Variants in PPP1R12B observed in about 807,000 individuals in gnomAD.
PPP1R12B encodes protein phosphatase 1 regulatory subunit 12B, also known as myosin phosphatase target subunit 2.
Under a neutral mutation model 126.1 loss-of-function variants are expected in PPP1R12B, and 76 were observed. That is an observed-to-expected ratio of 0.60 (90% CI 0.50 to 0.73). PPP1R12B has a LOEUF of 0.73. Ranked by LOEUF, PPP1R12B falls within the 30% of genes least tolerant of loss-of-function variation. The pLI is 0.00. For synonymous variants in PPP1R12B, 356 were observed against 434.7 expected (o/e 0.82, Z 2.25); for missense variants, 1,052 against 1,205.1 (o/e 0.87, Z 1.88).
intron 13 of PPP1R12B, among the ~76,000 whole-genome samples, chr1:202,461,219 A>C (rs570574636): frequency 1.3e-5 from 2 of 151,962 alleles, no homozygotes; most frequent in East Asian, 3.9e-4. Flanking sequence ...AGAATAGTCC[A>C]GTTCGGCCTT....
intron 1 of PPP1R12B, among the ~76,000 whole-genome samples, chr1:202,407,237 G>A (rs567371977): frequency 2.0e-5 from 3 of 152,290 alleles, no homozygotes; most frequent in South Asian, 2.1e-4. Context: ...TATTTGAAGC[G>A]AAGGGCTTAT....
At chr1:202,388,857 A>G (rs1663603504) in intron 1 of PPP1R12B, among the ~76,000 whole-genome samples, 1 of 152,220 alleles carries the variant, frequency 6.6e-6, no homozygotes, top group African/African-American at 2.4e-5. Context: ...CTCAAAATTC[A>G]ATGAGGTGAG....
rs1177314420 is a variant in PPP1R12B at position 202,473,324 on chromosome 1, C to T, written c.1851-15209C>T. 2.0e-5 allele frequency among the ~76,000 whole-genome samples: 3 copies of T among 152,194 alleles called. No individual in the cohort carries two copies. The East Asian group carries it at 5.8e-4, about 29-fold the overall frequency. On this transcript the variant is annotated intron_variant, in intron 13 of 23. Coordinates refer to ENST00000608999, the MANE Select transcript of PPP1R12B (RefSeq NM_002481.4). Reference sequence around the variant, plus strand: ...ATTGAGTGGTATGTACACTCTTTCTCTATCTAGGTTTAACCCATTTATAGC... The same window carrying T: ...ATTGAGTGGTATGTACACTCTTTCTTTATCTAGGTTTAACCCATTTATAGC...
chr1:202,393,009 G>A (rs571993042), intron 1 of PPP1R12B, among the ~76,000 whole-genome samples: 55 of 152,172 alleles, frequency 3.6e-4, no homozygotes, highest in African/African-American at 1.3e-3. Flanking sequence ...GCACTGGTGC[G>A]ATCTCAACTC....
In PPP1R12B at chr1:202,511,277, C is replaced by T. The variant is rs534797585; in HGVS notation, c.2490+14455C>T. On this transcript the variant is annotated intron_variant, in intron 18 of 23. Transcript: ENST00000608999. ...TGTCGCCCAGGCTGGAGTGCAGTGGCGCAATCTCAGCTCACTGCAATCTCC... is the reference window on the plus strand; with the variant it reads ...TGTCGCCCAGGCTGGAGTGCAGTGGTGCAATCTCAGCTCACTGCAATCTCC... Among the ~76,000 whole-genome samples the T allele has an allele frequency of 3.9e-3, 594 of 151,078 alleles. 2 individuals carry two copies. Among genetic ancestry groups the T allele is most frequent in the African/African-American group, 0.014 (563 of 41,190 alleles).
chr1:202,448,767 A>G (rs904690552), intron 12 of PPP1R12B, among the ~76,000 whole-genome samples: 15 of 152,204 alleles, frequency 9.9e-5, no homozygotes, highest in African/African-American at 3.6e-4. Flanking sequence ...ACATACACAT[A>G]CAAGTCTCAT....
At chr1:202,529,942 A>C (rs1309267770) in intron 18 of PPP1R12B, among the ~76,000 whole-genome samples, 1 of 152,198 alleles carries the variant, frequency 6.6e-6, no homozygotes, top group Non-Finnish European at 1.5e-5. Flanking sequence ...GAATTTGAGG[A>C]AACTATCTCC....
At chr1:202,429,046 C>A (rs1420189210) in intron 6 of PPP1R12B, 117 bp downstream of exon 6, 8 of 767,270 alleles carry the variant, frequency 1.0e-5, no homozygotes, top group Non-Finnish European at 1.4e-5. Flanking sequence ...TATCTGCATT[C>A]CAGAGATGTT....
chr1:202,462,975 T>G, intron 13 of PPP1R12B: 1 of 985,290 alleles, frequency 1.0e-6, no homozygotes, highest in Non-Finnish European at 1.2e-6. Context: ...TTGATCTGGG[T>G]GTTCTGGGGA....
chr1:202,431,947 T>G (rs982352669), intron 8 of PPP1R12B, among the ~76,000 whole-genome samples: 1 of 152,194 alleles, frequency 6.6e-6, no homozygotes, highest in African/African-American at 2.4e-5. Context: ...AGCAAGACCC[T>G]GTCTCTACAA....
At chr1:202,576,417 A>G (rs900263149) in intron 23 of PPP1R12B, 2 of 152,240 alleles carry the variant, frequency 1.3e-5, no homozygotes, top group Non-Finnish European at 2.9e-5. Context: ...TTTTGCCTTC[A>G]GGGTTAGTAG....
chr1:202,402,365 G>A (rs1417930327), intron 1 of PPP1R12B, among the ~76,000 whole-genome samples: 2 of 152,156 alleles, frequency 1.3e-5, no homozygotes, highest in African/African-American at 4.8e-5. Flanking sequence ...AGGGATGTTT[G>A]TGTTATTCAT....
At chr1:202,542,972 A>T (rs1378750502) in intron 18 of PPP1R12B, among the ~76,000 whole-genome samples, 1 of 152,160 alleles carries the variant, frequency 6.6e-6, no homozygotes, top group Non-Finnish European at 1.5e-5. Flanking sequence ...GGAGGATTGA[A>T]ATTTCAGCCA....
At chr1:202,418,597 T>A (rs1668384943) in intron 2 of PPP1R12B, among the ~76,000 whole-genome samples, 1 of 152,182 alleles carries the variant, frequency 6.6e-6, no homozygotes, top group Non-Finnish European at 1.5e-5. Context: ...AATAAATCTG[T>A]GAGAGCTACT....
chr1:202,354,926 C>T (rs544911734), intron 1 of PPP1R12B, among the ~76,000 whole-genome samples: 1 of 151,418 alleles, frequency 6.6e-6, no homozygotes, highest in African/African-American at 2.4e-5. Context: ...CCCGGGTTCA[C>T]GCCATTCTCC....
At chr1:202,467,685 T>C (rs1398126053) in intron 13 of PPP1R12B, among the ~76,000 whole-genome samples, 2 of 152,178 alleles carry the variant, frequency 1.3e-5, no homozygotes, top group Non-Finnish European at 2.9e-5. Context: ...AATAAACATA[T>C]GTGTGCATGT....
At chr1:202,377,844 T>TG (rs1661476165) in intron 1 of PPP1R12B, among the ~76,000 whole-genome samples, 2 of 136,598 alleles carry the variant, frequency 1.5e-5, no homozygotes, top group Admixed American at 7.1e-5. Context: ...TTTTTTTTTT[T>TG]TTTTTTTTTT....
rs1681037597 is a variant in PPP1R12B, at chr1:202,508,179, A to G, written c.2490+11357A>G. 6.6e-6 allele frequency among the ~76,000 whole-genome samples: 1 copy of G among 152,206 alleles called. No homozygotes were observed. Among genetic ancestry groups the G allele is most frequent in the Non-Finnish European group, 1.5e-5 (1 of 68,024 alleles). On this transcript the variant is annotated intron_variant, in intron 18 of 23. Transcript: ENST00000608999. This position sits in a 1 kb window ranked among gnomAD's most constrained non-coding sequence, Gnocchi z 4.5. Reference sequence around the variant, plus strand: ...ATACTGTCTCAGTCTTCAGTAAAGCAAGTTCAAGGATCAGATAGCAGCCAT... The same window carrying G: ...ATACTGTCTCAGTCTTCAGTAAAGCGAGTTCAAGGATCAGATAGCAGCCAT...
intron 18 of PPP1R12B, among the ~76,000 whole-genome samples, chr1:202,556,737 G>T (rs1366498713): frequency 6.6e-6 from 1 of 152,172 alleles, no homozygotes; most frequent in East Asian, 1.9e-4. Flanking sequence ...GTTCTGTCGT[G>T]CAACTTGTTC....
Sources: gnomAD v4.1 joint callset for allele counts (sites outside exome capture counted in the v4.1 genomes callset) on GRCh38, gnomAD v4.1.1 for gene constraint, Gnocchi (gnomAD v3.1) non-coding constraint, MANE v1.5 for transcripts, NCBI Gene and HGNC (gene_info 2026-07-23, HGNC 2026-07-21) for gene names.